Variants in COPS9 observed in about 807,000 individuals in gnomAD.
COPS9 encodes COP9 signalosome subunit 9, also known as COP9 signalosome complex subunit 9.
COPS9 carries 8 observed loss-of-function variants against 7.2 expected under a neutral mutation model. That is an observed-to-expected ratio of 1.11 (90% CI 0.65 to 2.00). The LOEUF is 2.00. Ranked by LOEUF, COPS9 falls within the 30% of genes most tolerant of loss-of-function variation. COPS9 has a pLI of 0.00. For synonymous variants in COPS9, 39 were observed against 28.7 expected (o/e 1.36, Z -1.14); for missense variants, 74 against 77.7 (o/e 0.95, Z 0.18).
At chr2:240,127,472 T>A (rs536795187), downstream of COPS9, among the ~76,000 whole-genome samples, 1 of 152,298 alleles carries the variant, frequency 6.6e-6, no homozygotes, top group East Asian at 1.9e-4. Context: ...GGGCCATGTC[T>A]GCTCACCCTC....
At chr2:240,130,574 C>A (rs2071911940), downstream of COPS9, among the ~76,000 whole-genome samples, 1 of 152,250 alleles carries the variant, frequency 6.6e-6, no homozygotes, top group Admixed American at 6.5e-5. Flanking sequence ...CAGTGGGAAC[C>A]TGCCCACACA....
At position 240,132,488 on chromosome 2, in the gene COPS9, C is replaced by T. The variant is rs1175139327; in HGVS notation, c.137-1400G>A. The stretch of plus-strand genomic sequence containing the variant: ...AGCTCTCCTGCGTCCCCTCCCTGAC[C>T]GGCCGTGGCTCAAAGGCAGACACGC... On this transcript the variant is annotated intron_variant, in intron 2 of 2. Coordinates refer to ENST00000607357, the MANE Select transcript of COPS9 (RefSeq NM_001163424.2). This position sits in a 1 kb window ranked among gnomAD's most constrained non-coding sequence, Gnocchi z 4.1. Among the ~76,000 whole-genome samples the T allele has an allele frequency of 1.3e-5, 2 of 152,098 alleles. No individual in the cohort carries two copies. The highest frequency in any genetic ancestry group is 2.9e-5 in the Non-Finnish European group (2 of 68,024).
chr2:240,126,754 G>C (rs543042712), downstream of COPS9: 1 of 1,614,054 alleles, frequency 6.2e-7, no homozygotes, highest in African/African-American at 1.3e-5. Context: ...CACTTGGATT[G>C]GTTCTTCCGT....
At chr2:240,135,480 G>A (rs934484903) in intron 1 of COPS9, among the ~76,000 whole-genome samples, 4 of 152,170 alleles carry the variant, frequency 2.6e-5, no homozygotes, top group Admixed American at 2.0e-4. Flanking sequence ...CTTTGAGAAA[G>A]AGCACATAAG....
At position 240,136,216 on chromosome 2, in the gene COPS9, T is replaced by C. The variant is rs1181277203; in HGVS notation, c.63+6A>G. ...CGCTCGGAGACTCCCGCCGGGCCCGTGCCACCTCGTCCAGGTCCACGTAGG... is the reference window on the plus strand; with the variant it reads ...CGCTCGGAGACTCCCGCCGGGCCCGCGCCACCTCGTCCAGGTCCACGTAGG... On this transcript the variant is annotated splice_donor_region_variant and intron_variant, in intron 1 of 2. Coordinates refer to ENST00000607357, the MANE Select transcript of COPS9 (RefSeq NM_001163424.2). 6.5e-7 allele frequency: 1 copy of C among 1,544,518 alleles called. No individual in the cohort carries two copies. Among genetic ancestry groups the C allele is most frequent in the Non-Finnish European group, 8.7e-7 (1 of 1,149,700 alleles).
At chr2:240,127,735 C>G (rs1167426636), downstream of COPS9, among the ~76,000 whole-genome samples, 41 of 152,172 alleles carry the variant, frequency 2.7e-4, no homozygotes, top group Admixed American at 2.7e-3. Flanking sequence ...TTTCTCTTCT[C>G]TCCAAAAGAT....
chr2:240,132,199 G>A lies in COPS9; in HGVS notation c.137-1111C>T, dbSNP rs919299789. On this transcript the variant is annotated intron_variant, in intron 2 of 2. Transcript: ENST00000607357. The surrounding 1 kb of genome is among the most constrained non-coding windows in gnomAD (Gnocchi z 4.1). ...TCTTGTCACAGTCCAGCCCCTGCCT[G>A]CTGACTTGTCTGGACCCACAATTTT... Among the ~76,000 whole-genome samples the A allele has an allele frequency of 3.9e-5, 6 of 152,206 alleles. No individual in the cohort carries two copies. Among genetic ancestry groups the A allele is most frequent in the Non-Finnish European group, 8.8e-5 (6 of 68,044 alleles).
downstream of COPS9, among the ~76,000 whole-genome samples, chr2:240,128,227 A>C (rs1429014344): frequency 6.6e-6 from 1 of 152,142 alleles, no homozygotes; most frequent in Non-Finnish European, 1.5e-5. Context: ...TATAGTGTGG[A>C]GACTGCTGGA....
At chr2:240,134,316 C>A in intron 1 of COPS9, 1 of 276,542 alleles carries the variant, frequency 3.6e-6, no homozygotes, top group Non-Finnish European at 6.8e-6. Context: ...TTTCCGATCC[C>A]TCGCCGGACA....
intron 1 of COPS9, chr2:240,135,885 G>A (rs2151712632): frequency 3.4e-6 from 1 of 296,500 alleles, no homozygotes; most frequent in South Asian, 9.0e-5. Flanking sequence ...GGCCCCCATG[G>A]GGTGCTGCAG....
downstream of COPS9, chr2:240,127,080 G>T: frequency 9.1e-7 from 1 of 1,099,596 alleles, no homozygotes; most frequent in Non-Finnish European, 1.3e-6. Flanking sequence ...TTAGGACAGA[G>T]AGGGGAAGGC....
At chr2:240,128,731 CT>C (rs1338414740), downstream of COPS9, among the ~76,000 whole-genome samples, 1 of 152,182 alleles carries the variant, frequency 6.6e-6, no homozygotes, top group Non-Finnish European at 1.5e-5. Flanking sequence ...GGCCCGTCAG[CT>C]GCAGTCCGAT....
chr2:240,131,671 T>C (rs1387986894), intron 2 of COPS9, among the ~76,000 whole-genome samples: 2 of 152,222 alleles, frequency 1.3e-5, no homozygotes, highest in Admixed American at 1.3e-4. Flanking sequence ...GTGCCCTGCT[T>C]TGGGTGATCA....
chr2:240,127,080 G>A, downstream of COPS9: 1 of 1,099,598 alleles, frequency 9.1e-7, no homozygotes, highest in Non-Finnish European at 1.3e-6. Flanking sequence ...TTAGGACAGA[G>A]AGGGGAAGGC....
chr2:240,133,816 G>A (rs574570486), intron 2 of COPS9, 117 bp downstream of exon 2: 218 of 989,058 alleles, frequency 2.2e-4, no homozygotes, highest in African/African-American at 1.3e-3. Context: ...TGAGAGGAGC[G>A]CAGGGGCTCT....
downstream of COPS9, among the ~76,000 whole-genome samples, chr2:240,129,302 A>G (rs1351711875): frequency 1.3e-5 from 2 of 152,206 alleles, no homozygotes; most frequent in Admixed American, 6.5e-5. Flanking sequence ...AGCTAGGACT[A>G]TAGGCACGTG....
chr2:240,132,666 G>C lies in COPS9; in HGVS notation c.136+1267C>G, dbSNP rs1203825655. Among the ~76,000 whole-genome samples, 4 of 152,200 alleles carry C rather than the reference G, an allele frequency of 2.6e-5. No homozygotes were observed. The highest frequency in any genetic ancestry group is 1.9e-4 in the East Asian group (1 of 5,198). ...GCAATCGCCTCTAACCAATGGGCTG[G>C]CAGAGGATAAATGGGACTTTGAAGG... is the stretch of plus-strand genomic sequence containing the variant. On this transcript the variant is annotated intron_variant, in intron 2 of 2. Coordinates refer to ENST00000607357, the MANE Select transcript of COPS9 (RefSeq NM_001163424.2). This position sits in a 1 kb window ranked among gnomAD's most constrained non-coding sequence, Gnocchi z 4.1.
At position 240,136,266 on chromosome 2, in the gene COPS9, C is replaced by A; in HGVS notation, c.19G>T (p.Glu7Ter). The change falls in exon 1 of 3, where the codon GAG (glutamate) becomes TAG (stop). Residue 7 changes from glutamate to a stop codon, truncating the protein, a stop_gained. Coordinates refer to ENST00000607357, the MANE Select transcript of COPS9 (RefSeq NM_001163424.2). LOFTEE classifies it high-confidence loss of function. ...GGCCCGGCGCCCTCGGGGAACATCT[C>A]GTCCACCGCCGGCTTCATCTCGGGG... The part of the protein sequence containing the change: MKPAVD[E>*]MFPEGAGPYV... 1 of 1,570,894 alleles carries A rather than the reference C, an allele frequency of 6.4e-7. No individual in the cohort carries two copies. The highest frequency in any genetic ancestry group is 8.6e-7 in the Non-Finnish European group (1 of 1,162,274).
chr2:240,129,548 C>CA (rs1005218416), downstream of COPS9, among the ~76,000 whole-genome samples: 7 of 152,232 alleles, frequency 4.6e-5, no homozygotes, highest in African/African-American at 1.7e-4. Flanking sequence ...AGTGTAGCCA[C>CA]AGCCCTTACC....
Sources: allele counts gnomAD v4.1 joint callset (sites outside exome capture counted in the v4.1 genomes callset), GRCh38; gene constraint gnomAD v4.1.1; non-coding constraint Gnocchi (gnomAD v3.1); transcripts MANE v1.5; gene names NCBI Gene and HGNC (gene_info 2026-07-23, HGNC 2026-07-21).